Variants in CCDC183 observed in about 807,000 individuals in gnomAD.
The protein encoded by CCDC183 is coiled-coil domain-containing protein 183.
A neutral mutation model predicts 65.2 loss-of-function variants in CCDC183; 63 were observed. The observed-to-expected ratio is 0.97, with a 90% CI of 0.79 to 1.19. CCDC183 has a LOEUF of 1.19. CCDC183 is among the 50% of genes most tolerant of loss of function. The pLI, the probability that CCDC183 is intolerant of heterozygous loss-of-function variation, is 0.00. For missense variants in CCDC183, 769 were observed against 689.3 expected (o/e 1.12, Z -1.30); for synonymous variants, 323 against 276.5 (o/e 1.17, Z -1.67).
rs1376529866 is a variant in CCDC183 at position 136,804,659 on chromosome 9, C to T, written c.792+32C>T. Reference sequence around the variant, plus strand: ...CCCAGGCCAGGGCCTGGCTGGCTGCCCATCCCCATGACAGCTGGGTGGACA... The same window carrying T: ...CCCAGGCCAGGGCCTGGCTGGCTGCTCATCCCCATGACAGCTGGGTGGACA... On this transcript the variant is annotated intron_variant, in intron 7 of 13. Coordinates refer to ENST00000338005, the MANE Select transcript of CCDC183 (RefSeq NM_001039374.5). This position sits in a 1 kb window ranked among gnomAD's most constrained non-coding sequence, Gnocchi z 4.1. 6.2e-7 allele frequency: 1 copy of T among 1,613,044 alleles called. No homozygotes were observed.
chr9:136,804,636 C>T lies in CCDC183; in HGVS notation c.792+9C>T, dbSNP rs746114534. On this transcript the variant is annotated intron_variant, in intron 7 of 13. Coordinates refer to ENST00000338005, the MANE Select transcript of CCDC183 (RefSeq NM_001039374.5). This position sits in a 1 kb window ranked among gnomAD's most constrained non-coding sequence, Gnocchi z 4.1. ...GCGAGAAGTACCGCCGGGTAAGCCC[C>T]AGGCCAGGGCCTGGCTGGCTGCCCA... 1 of 1,613,648 alleles carries T rather than the reference C, an allele frequency of 6.2e-7. No homozygotes were observed. The highest frequency in any genetic ancestry group is 1.1e-5 in the South Asian group (1 of 91,082).
intron 1 of CCDC183, among the ~76,000 whole-genome samples, chr9:136,798,549 G>A (rs1248748381): frequency 2.0e-5 from 3 of 152,044 alleles, no homozygotes; most frequent in South Asian, 2.1e-4. Flanking sequence ...CGCCCACTTC[G>A]GCCTCCCAAA....
chr9:136,805,152 C>G (rs1168366155), intron 8 of CCDC183: 1 of 599,694 alleles, frequency 1.7e-6, no homozygotes, highest in African/African-American at 1.9e-5. Flanking sequence ...CCGGGTCCAC[C>G]TCTGCTCTGG....
chr9:136,801,758 A>G (rs532425301), intron 5 of CCDC183, among the ~76,000 whole-genome samples: 1 of 152,120 alleles, frequency 6.6e-6, no homozygotes, highest in Non-Finnish European at 1.5e-5. Context: ...TATTTTTAAA[A>G]ATGAAGATTC....
Position 136,799,000 on chromosome 9 carries a change from C to CCCTGGGG in CCDC183, c.71-91_71-85dup. 2.6e-6 allele frequency: 4 copies of CCCTGGGG among 1,534,476 alleles called. No homozygotes were observed. In the South Asian group the frequency reaches 3.5e-5, roughly 14 times the overall value. Reference sequence around the variant, plus strand: ...GCCATGGAGGGGGCATCCCCCTGGACCCTGGGGCCTGGGGCCTCCCTGATG... The same window carrying CCCTGGGG: ...GCCATGGAGGGGGCATCCCCCTGGACCCTGGGGCCTGGGGCCTGGGGCCTCCCTGATG... On this transcript the variant is annotated intron_variant, in intron 1 of 13. Transcript: ENST00000338005.
Position 136,797,762 on chromosome 9 carries a change from T to C in CCDC183, c.70+1295T>C, listed in dbSNP as rs578202451. Among the ~76,000 whole-genome samples, 4 of 152,232 alleles carry C rather than the reference T, an allele frequency of 2.6e-5. No homozygotes were observed. In the South Asian group the frequency reaches 8.3e-4, roughly 32 times the overall value. On this transcript the variant is annotated intron_variant, in intron 1 of 13. Coordinates refer to ENST00000338005, the MANE Select transcript of CCDC183 (RefSeq NM_001039374.5). ...CTCTGTGTCTTATTTCTTTTCTCAG[T>C]CTTCATCCCACCTGACGAGAAATAC...
At chr9:136,798,522 C>G (rs1267890884) in intron 1 of CCDC183, among the ~76,000 whole-genome samples, 1 of 152,098 alleles carries the variant, frequency 6.6e-6, no homozygotes, top group Admixed American at 6.5e-5. Context: ...GTCTCGAACT[C>G]CTGACCACAG....
chr9:136,799,835 T>G (rs1588330431), intron 3 of CCDC183, 45 bp downstream of exon 3: 22 of 1,161,014 alleles, frequency 1.9e-5, no homozygotes, highest in Non-Finnish European at 2.3e-5. Context: ...TCCCCACCCC[T>G]GCCAGCACCC....
rs532173779 is a variant in CCDC183, at chr9:136,802,530, G to A, written c.544-134G>A. The stretch of plus-strand genomic sequence containing the variant: ...ACCTTTCATCACCGTTGTGCCCAGC[G>A]GGGAGTGGGGGAGGTGGCTGGGGCC... On this transcript the variant is annotated intron_variant, in intron 5 of 13. Coordinates refer to ENST00000338005, the MANE Select transcript of CCDC183 (RefSeq NM_001039374.5). The A allele has an allele frequency of 6.8e-5, 86 of 1,261,022 alleles. 1 individual carries two copies. The South Asian group carries it at 9.1e-4, about 13-fold the overall frequency. 78.1% of individuals were successfully genotyped at this position (1,261,022 alleles called of 1,614,324 possible). A position where few individuals can be genotyped will look rare whatever the true frequency, so the allele number is the denominator to read the frequency against.
rs1010754181 is a variant in CCDC183, at chr9:136,800,686, C to T, written c.543+193C>T. 3.6e-5 allele frequency: 21 copies of T among 586,898 alleles called. No individual in the cohort carries two copies. In the Admixed American group the frequency reaches 3.6e-4, roughly 10 times the overall value. 36.4% of individuals were successfully genotyped at this position (586,898 alleles called of 1,614,324 possible). A position where few individuals can be genotyped will look rare whatever the true frequency, so the allele number is the denominator to read the frequency against. On this transcript the variant is annotated intron_variant, in intron 5 of 13. Transcript: ENST00000338005. ...TTTTGGCTATTCCAAAAAAGCATAT[C>T]GTGGGGTATATCAGAATTCTTCGGA...
intron 2 of CCDC183, 181 bp from the exon 3 acceptor site, chr9:136,799,532 C>T (rs958325203): frequency 8.8e-6 from 6 of 680,776 alleles, no homozygotes; most frequent in South Asian, 1.9e-5. Flanking sequence ...CCCCCTACCA[C>T]GTCGCCTCCG....
intron 2 of CCDC183, 90 bp from the exon 3 acceptor site, chr9:136,799,614 AGCGTGGGAT>A: frequency 9.9e-7 from 1 of 1,014,394 alleles, no homozygotes; most frequent in Non-Finnish European, 1.5e-6. Context: ...CTACTGGGCT[AGCGTGGGAT>A]ACAAGAGGCC....
At position 136,806,614 on chromosome 9, in the gene CCDC183, A is replaced by G; in HGVS notation, c.1220A>G (p.Gln407Arg). Residue 407 changes from glutamine to arginine, a missense_variant, in exon 11 of 14, where the codon CAG becomes CGG. By Grantham distance (43) the Gln-to-Arg change is conservative (BLOSUM62 1). Transcript: ENST00000338005. ...GGCCAGGAGCTGCTGCTGACCATCC[A>G]GATGGGCATCGACAACCTCTATGTC... ...TKGQELLLTIQMGIDNLYVRL... is the reference protein window; with the variant it reads ...TKGQELLLTIRMGIDNLYVRL... 1 of 1,613,786 alleles carries G rather than the reference A, an allele frequency of 6.2e-7. No individual in the cohort carries two copies. Among genetic ancestry groups the G allele is most frequent in the Non-Finnish European group, 8.5e-7 (1 of 1,180,042 alleles).
chr9:136,797,061 C>T lies in CCDC183; in HGVS notation c.70+594C>T, dbSNP rs118022180. Among the ~76,000 whole-genome samples the T allele has an allele frequency of 2.7e-3, 418 of 152,278 alleles. 1 individual carries two copies. The highest frequency in any genetic ancestry group is 4.7e-3 in the Non-Finnish European group (321 of 68,032). On this transcript the variant is annotated intron_variant, in intron 1 of 13. Coordinates refer to ENST00000338005, the MANE Select transcript of CCDC183 (RefSeq NM_001039374.5). ...GGAATGGAATGTCTCAGTGTAAAGC[C>T]GACCATTCCCATTCGTTCTATTCTA...
Position 136,800,037 on chromosome 9 carries a change from C to G in CCDC183, c.306C>G (p.Asp102Glu). The stretch of plus-strand genomic sequence containing the variant: ...AGAAGCTGCGCAAGTACGTCTTCGA[C>G]CGCGTGAACATGCACAACCTACTGA... ...VREKLRKYVF[D>E]RVNMHNLLIH... Residue 102 changes from aspartate (D) to glutamate (E), a missense_variant, in exon 4 of 14, where the codon GAC becomes GAG. Asp to Glu is a conservative substitution (Grantham distance 45, BLOSUM62 2). Coordinates refer to ENST00000338005, the MANE Select transcript of CCDC183 (RefSeq NM_001039374.5). The G allele has an allele frequency of 5.7e-6, 9 of 1,589,742 alleles. No homozygotes were observed. The highest frequency in any genetic ancestry group is 7.7e-6 in the Non-Finnish European group (9 of 1,168,988).
At chr9:136,799,029 G>A (rs1847695883) in intron 1 of CCDC183, 73 bp from the exon 2 acceptor site, 1 of 1,595,106 alleles carries the variant, frequency 6.3e-7, no homozygotes, top group African/African-American at 1.3e-5. Flanking sequence ...CCTGATGCAA[G>A]CCTCCCCCAG....
Position 136,804,350 on chromosome 9 carries a change from C to A in CCDC183, c.667-152C>A. 2 of 1,070,060 alleles carry A rather than the reference C, an allele frequency of 1.9e-6. No individual in the cohort carries two copies. Among genetic ancestry groups the A allele is most frequent in the Non-Finnish European group, 2.6e-6 (2 of 762,196 alleles). 66.3% of individuals were successfully genotyped at this position (1,070,060 alleles called of 1,614,324 possible). The stretch of plus-strand genomic sequence containing the variant: ...GCCGTGAGCTGAGGGGCCACGGGCA[C>A]AAGTGGTTTAGGAAAAGGGTGTGGC... On this transcript the variant is annotated intron_variant, in intron 6 of 13. Transcript: ENST00000338005. The surrounding 1 kb of genome is among the most constrained non-coding windows in gnomAD (Gnocchi z 4.1).
chr9:136,800,632 C>T, intron 5 of CCDC183, 139 bp downstream of exon 5: 1 of 631,626 alleles, frequency 1.6e-6, no homozygotes, highest in South Asian at 1.9e-5. Flanking sequence ...GACGCCGAGG[C>T]ATGTGGAAAA....
At position 136,804,950 on chromosome 9, in the gene CCDC183, C is replaced by A; in HGVS notation, c.847+134C>A. 1 of 723,896 alleles carries A rather than the reference C, an allele frequency of 1.4e-6. No homozygotes were observed. The highest frequency in any genetic ancestry group is 2.3e-6 in the Non-Finnish European group (1 of 434,808). The allele number at this position is 723,896 out of a possible 1,614,324, so 44.8% of individuals were successfully genotyped here. ...GCCAGGGTGAAGGGAAGGACAGGTC[C>A]CTGCCTCTCCCTCCAGAGGCTGAGA... On this transcript the variant is annotated intron_variant, in intron 8 of 13. Transcript: ENST00000338005. The surrounding 1 kb of genome is among the most constrained non-coding windows in gnomAD (Gnocchi z 4.1).
Sources: allele counts gnomAD v4.1 joint callset (sites outside exome capture counted in the v4.1 genomes callset), GRCh38; gene constraint gnomAD v4.1.1; non-coding constraint Gnocchi (gnomAD v3.1); transcripts MANE v1.5; gene names NCBI Gene and HGNC (gene_info 2026-07-23, HGNC 2026-07-21).